PCDHGA12: variants seen among roughly 807,000 people sequenced by gnomAD.
PCDHGA12 encodes the protein protocadherin gamma subfamily A, 12.
PCDHGA12 carries 43 observed loss-of-function variants against 61.1 expected under a neutral mutation model. The observed-to-expected ratio is 0.70, with a 90% CI of 0.55 to 0.91. PCDHGA12 has a LOEUF of 0.91. PCDHGA12 is among the 40% of genes least tolerant of loss of function. The pLI is 0.00. For missense variants in PCDHGA12, 1,236 were observed against 1,227.7 expected (o/e 1.01, Z -0.10); for synonymous variants, 520 against 542.9 (o/e 0.96, Z 0.59).
intron 1 of PCDHGA12, among the ~76,000 whole-genome samples, chr5:141,453,101 T>TTTTTG (rs879618609): frequency 3.2e-4 from 49 of 152,130 alleles, no homozygotes; most frequent in Middle Eastern, 6.8e-3. Flanking sequence ...TTCTGTTGCT[T>TTTTTG]TTTTGTTTTG....
Position 141,505,499 on chromosome 5 carries a change from G to T in PCDHGA12, c.2572+18G>T, listed in dbSNP as rs753203943. 4.3e-6 allele frequency: 7 copies of T among 1,614,172 alleles called. No individual in the cohort carries two copies. The South Asian group carries it at 7.7e-5, about 18-fold the overall frequency. ...CGCCAGTGGTAAGTGGTGTCAGTGTGTGTATGGAAGAGTGGGAGACCTGGG... is the reference window on the plus strand; with the variant it reads ...CGCCAGTGGTAAGTGGTGTCAGTGTTTGTATGGAAGAGTGGGAGACCTGGG... On this transcript the variant is annotated intron_variant, in intron 3 of 3. Coordinates refer to ENST00000252085, the MANE Select transcript of PCDHGA12 (RefSeq NM_003735.3).
Position 141,476,489 on chromosome 5 carries a change from A to G in PCDHGA12, c.2425-18318A>G. ...GGAGCTGTTCAGCGTGGAAGTGGTGATCCAGGACATCAACGACAACAATCC... is the reference window on the plus strand; with the variant it reads ...GGAGCTGTTCAGCGTGGAAGTGGTGGTCCAGGACATCAACGACAACAATCC... On this transcript the variant is annotated intron_variant, in intron 1 of 3. Coordinates refer to ENST00000252085, the MANE Select transcript of PCDHGA12 (RefSeq NM_003735.3). The surrounding 1 kb of genome is among the most constrained non-coding windows in gnomAD (Gnocchi z 7.6). The G allele has an allele frequency of 6.2e-7, 1 of 1,613,928 alleles. No individual in the cohort carries two copies. Among genetic ancestry groups the G allele is most frequent in the Non-Finnish European group, 8.5e-7 (1 of 1,179,976 alleles).
Position 141,493,775 on chromosome 5 carries a change from G to A in PCDHGA12, c.2425-1032G>A, listed in dbSNP as rs1434978072. ...CCTTGAGTGAGCCACTGGCAGTTCCGGAGCTTCCTTCTCCCTGGAGTAATC... is the reference window on the plus strand; with the variant it reads ...CCTTGAGTGAGCCACTGGCAGTTCCAGAGCTTCCTTCTCCCTGGAGTAATC... On this transcript the variant is annotated intron_variant, in intron 1 of 3. Coordinates refer to ENST00000252085, the MANE Select transcript of PCDHGA12 (RefSeq NM_003735.3). The surrounding 1 kb of genome is among the most constrained non-coding windows in gnomAD (Gnocchi z 4.3). Among the ~76,000 whole-genome samples, 1 of 152,094 alleles carries A rather than the reference G, an allele frequency of 6.6e-6. No individual in the cohort carries two copies. The highest frequency in any genetic ancestry group is 6.5e-5 in the Admixed American group (1 of 15,272).
At chr5:141,454,977 T>C (rs1357011192) in intron 1 of PCDHGA12, among the ~76,000 whole-genome samples, 6 of 151,508 alleles carry the variant, frequency 4.0e-5, no homozygotes, top group Non-Finnish European at 8.8e-5. Context: ...CTGGCTAATT[T>C]TTTAAAAAAT....
Position 141,444,152 on chromosome 5 carries a change from ATTTTTTTTTTTTTTTTT to A in PCDHGA12, c.2424+10989_2424+11005del, listed in dbSNP as rs747671382. Among the ~76,000 whole-genome samples, 167 of 33,906 alleles carry A rather than the reference ATTTTTTTTTTTTTTTTT, an allele frequency of 4.9e-3. 1 individual carries two copies. The highest frequency in any genetic ancestry group is 7.0e-3 in the Non-Finnish European group (136 of 19,318). The allele number at this position is 33,906 out of a possible 152,430, so 22.2% of individuals were successfully genotyped here. A position where few individuals can be genotyped will look rare whatever the true frequency, so the allele number is the denominator to read the frequency against. On this transcript the variant is annotated intron_variant, in intron 1 of 3. Coordinates refer to ENST00000252085, the MANE Select transcript of PCDHGA12 (RefSeq NM_003735.3). ...GATATGTGTCACTTGTGTGTACTGG[ATTTTTTTTTTTTTTTTT>A]TTTTTTTTTTTTTTTTTTTGAGATG...
intron 1 of PCDHGA12, chr5:141,442,020 A>G (rs1461958612): frequency 4.6e-6 from 1 of 219,170 alleles, no homozygotes; most frequent in South Asian, 5.2e-5. Context: ...GATGGGCCAC[A>G]GGAAAGCGAC....
intron 1 of PCDHGA12, among the ~76,000 whole-genome samples, chr5:141,454,628 A>C (rs1008375225): frequency 1.3e-4 from 19 of 151,334 alleles, no homozygotes; most frequent in African/African-American, 4.4e-4. Context: ...CTGGTCTCGA[A>C]CCCCCAACCT....
chr5:141,444,035 T>C (rs928920813), intron 1 of PCDHGA12, among the ~76,000 whole-genome samples: 1 of 151,694 alleles, frequency 6.6e-6, no homozygotes, highest in Non-Finnish European at 1.5e-5. Context: ...ATTCAGTAAA[T>C]CAGATAATTT....
At chr5:141,502,377 C>A (rs748121694) in intron 2 of PCDHGA12, among the ~76,000 whole-genome samples, 14 of 151,904 alleles carry the variant, frequency 9.2e-5, no homozygotes, top group Non-Finnish European at 1.3e-4. Flanking sequence ...AGAGTCCAGG[C>A]CAGTTGTACT....
chr5:141,468,939 G>A (rs2099186103), intron 1 of PCDHGA12, among the ~76,000 whole-genome samples: 1 of 144,350 alleles, frequency 6.9e-6, no homozygotes, highest in Non-Finnish European at 1.5e-5. Context: ...ATGGGAGATG[G>A]GGTAAACCTG....
intron 1 of PCDHGA12, among the ~76,000 whole-genome samples, chr5:141,439,631 A>C (rs1459977985): frequency 2.0e-5 from 3 of 152,214 alleles, no homozygotes; most frequent in Non-Finnish European, 2.9e-5. Context: ...ATCCCCAGAC[A>C]TTCCGGCTTG....
chr5:141,430,656 G>A lies in PCDHGA12; in HGVS notation c.-104G>A. On this transcript the variant is annotated 5_prime_UTR_variant, in exon 1 of 4. Transcript: ENST00000252085. ...TCCCTGGGAGTATGTGGAAACAACG[G>A]AGGAGCTCTGACTTCCCAACTGTCC... 9.2e-7 allele frequency: 1 copy of A among 1,092,670 alleles called. No homozygotes were observed. The highest frequency in any genetic ancestry group is 1.3e-6 in the Non-Finnish European group (1 of 787,192). 67.7% of individuals were successfully genotyped at this position (1,092,670 alleles called of 1,614,324 possible).
In PCDHGA12 at chr5:141,489,335, G is replaced by A. The variant is rs138015049; in HGVS notation, c.2425-5472G>A. The A allele has an allele frequency of 8.2e-5, 132 of 1,607,244 alleles. No individual in the cohort carries two copies. The African/African-American group carries it at 1.5e-3, about 18-fold the overall frequency. On this transcript the variant is annotated intron_variant, in intron 1 of 3. Transcript: ENST00000252085. This position sits in a 1 kb window ranked among gnomAD's most constrained non-coding sequence, Gnocchi z 4.5. ...TGGGGCTGGGTGTCTGGGCAGCTTC[G>A]TTACTCAGTGGTGGAGGAGTCTGAG...
At chr5:141,484,908 G>T in intron 1 of PCDHGA12, 1 of 415,428 alleles carries the variant, frequency 2.4e-6, no homozygotes, top group East Asian at 4.2e-5. Context: ...ATGCTGCGAC[G>T]CATTAACCCT....
chr5:141,431,012 G>A lies in PCDHGA12; in HGVS notation c.253G>A (p.Val85Ile). Residue 85 changes from valine (V) to isoleucine (I), a missense_variant, in exon 1 of 4, where the codon GTC becomes ATC. Physicochemically the swap from Val to Ile is conservative, Grantham distance 29. Coordinates refer to ENST00000252085, the MANE Select transcript of PCDHGA12 (RefSeq NM_003735.3). This position sits in a 1 kb window ranked among gnomAD's most constrained non-coding sequence, Gnocchi z 4.8. The stretch of plus-strand genomic sequence containing the variant: ...CCTGAATCCGCGCAGCGGCAGCTTG[G>A]TCACGGCGGGCAGGATAGACCGGGA... ...FALNPRSGSL[V>I]TAGRIDREEL... 1 of 1,613,314 alleles carries A rather than the reference G, an allele frequency of 6.2e-7. No individual in the cohort carries two copies. Among genetic ancestry groups the A allele is most frequent in the South Asian group, 1.1e-5 (1 of 91,076 alleles).
chr5:141,448,166 A>G (rs1475687778), intron 1 of PCDHGA12, among the ~76,000 whole-genome samples: 2 of 151,978 alleles, frequency 1.3e-5, no homozygotes, highest in Non-Finnish European at 2.9e-5. Context: ...AAAGATCACT[A>G]CTATTCATCC....
At chr5:141,478,759 A>G in intron 1 of PCDHGA12, 2 of 1,514,800 alleles carry the variant, frequency 1.3e-6, no homozygotes, top group African/African-American at 1.4e-5. Flanking sequence ...GGGGGAAGAT[A>G]CTTGACTCAT....
At position 141,491,168 on chromosome 5, in the gene PCDHGA12, A is replaced by T. The variant is rs1293664414; in HGVS notation, c.2425-3639A>T. On this transcript the variant is annotated intron_variant, in intron 1 of 3. Transcript: ENST00000252085. This position sits in a 1 kb window ranked among gnomAD's most constrained non-coding sequence, Gnocchi z 6.9. ...CTGGAGGATGACTCTGACACCCAGC[A>T]GGTGGTGGTCCTGGTGAGGGACAAT... 3.1e-6 allele frequency: 5 copies of T among 1,614,160 alleles called. No individual in the cohort carries two copies. The highest frequency in any genetic ancestry group is 4.2e-6 in the Non-Finnish European group (5 of 1,179,988).
chr5:141,434,026 A>G (rs2154556044), intron 1 of PCDHGA12, among the ~76,000 whole-genome samples: 1 of 152,236 alleles, frequency 6.6e-6, no homozygotes, highest in Admixed American at 6.5e-5. Flanking sequence ...TGATTCTGGA[A>G]GCATGGTTTT....
Sources: gnomAD v4.1 joint callset for allele counts (sites outside exome capture counted in the v4.1 genomes callset) on GRCh38, gnomAD v4.1.1 for gene constraint, Gnocchi (gnomAD v3.1) non-coding constraint, MANE v1.5 for transcripts, NCBI Gene and HGNC (gene_info 2026-07-23, HGNC 2026-07-21) for gene names.